Variants in SH2D3A observed in about 807,000 individuals in gnomAD.
The protein encoded by SH2D3A is SH2 domain containing 3A, also known as SH2 domain-containing protein 3A.
Under a neutral mutation model 50.6 loss-of-function variants are expected in SH2D3A, and 46 were observed. The observed-to-expected ratio is 0.91, with a 90% CI of 0.72 to 1.16. The LOEUF is 1.16. SH2D3A is among the 50% of genes most tolerant of loss of function. The pLI, the probability that SH2D3A is intolerant of heterozygous loss-of-function variation, is 0.00. For missense variants in SH2D3A, 783 were observed against 786.2 expected (o/e 1.00, Z 0.05); for synonymous variants, 377 against 348.4 (o/e 1.08, Z -0.91).
In SH2D3A at chr19:6,754,691, T is replaced by C. The variant is rs1191382706; in HGVS notation, c.1022A>G (p.Asn341Ser). 1 of 1,614,082 alleles carries C rather than the reference T, an allele frequency of 6.2e-7. No homozygotes were observed. Among genetic ancestry groups the C allele is most frequent in the African/African-American group, 1.3e-5 (1 of 74,932 alleles). ...CTCCAGGCCAGATGAGACTCCCATG[T>C]TGCCCCGCTGATCTCTGGTCACTCC... ...LLGVTRDQRGNMGVSSGLELL... is the reference protein window; with the variant it reads ...LLGVTRDQRGSMGVSSGLELL... The change falls in exon 6 of 10, where the codon AAC becomes AGC. Residue 341 changes from asparagine (N) to serine (S), a missense_variant. Physicochemically the swap from Asn to Ser is conservative, Grantham distance 46. Transcript: ENST00000245908.
chr19:6,755,067 T>G lies in SH2D3A; in HGVS notation c.745A>C (p.Ser249Arg). ...CATGGGGCCTCTGGCTCTGGGCAGCTTTGGCTCGGGGATGTTCCCTGGACA... is the reference window on the plus strand; with the variant it reads ...CATGGGGCCTCTGGCTCTGGGCAGCGTTGGCTCGGGGATGTTCCCTGGACA... Reference protein sequence around the residue: ...PSVQGTSPSQSCPEPEAPWWE... With the variant: ...PSVQGTSPSQRCPEPEAPWWE... The change falls in exon 5 of 10, where the codon AGC becomes CGC. Residue 249 changes from serine to arginine, a missense_variant. Physicochemically the swap from Ser to Arg is moderately radical, Grantham distance 110 (BLOSUM62 -1). Transcript: ENST00000245908. 3 of 1,613,910 alleles carry G rather than the reference T, an allele frequency of 1.9e-6. No homozygotes were observed. Among genetic ancestry groups the G allele is most frequent in the Non-Finnish European group, 2.5e-6 (3 of 1,179,968 alleles).
chr19:6,753,213 G>C, intron 9 of SH2D3A: 2 of 985,390 alleles, frequency 2.0e-6, no homozygotes, highest in Non-Finnish European at 2.4e-6. Flanking sequence ...GGGGACCCGC[G>C]GAGGTGGCTC....
intron 4 of SH2D3A, among the ~76,000 whole-genome samples, chr19:6,757,098 C>G (rs976206174): frequency 6.6e-6 from 1 of 151,956 alleles, no homozygotes; most frequent in Non-Finnish European, 1.5e-5. Flanking sequence ...ATCTCTTGAC[C>G]TCGTGATCCG....
chr19:6,754,290 G>C lies in SH2D3A; in HGVS notation c.1233C>G (p.Pro411=), dbSNP rs751952175. 2.5e-6 allele frequency: 4 copies of C among 1,584,686 alleles called. No individual in the cohort carries two copies. The highest frequency in any genetic ancestry group is 1.3e-5 in the African/African-American group (1 of 74,638). ...GGGCGCCCATGACTGCAGCCAGCCC[G>C]GGCAGGTCCCCCGCCGCCCCTGGCC... ...ALRPGAAGDL[P]GLAAVMGALL... is the part of the protein sequence containing the mutation. Residue 411 remains proline, a synonymous_variant, in exon 7 of 10, where the codon CCC becomes CCG. Transcript: ENST00000245908.
chr19:6,765,971 G>A (rs1288356123), intron 1 of SH2D3A, among the ~76,000 whole-genome samples: 2 of 152,106 alleles, frequency 1.3e-5, no homozygotes, highest in African/African-American at 4.8e-5. Flanking sequence ...TGTCTGGTGG[G>A]GGAGATTTCT....
At chr19:6,753,924 G>C (rs1969484491) in intron 8 of SH2D3A, 128 bp downstream of exon 8, 1 of 1,198,166 alleles carries the variant, frequency 8.3e-7, no homozygotes, top group East Asian at 2.6e-5. Context: ...CCCTCATGTG[G>C]AGGGCGGGGC....
chr19:6,760,204 G>T (rs549579519), intron 3 of SH2D3A, among the ~76,000 whole-genome samples: 426 of 151,992 alleles, frequency 2.8e-3, no homozygotes, highest in African/African-American at 1.0e-2. Context: ...GTGAAACCCC[G>T]TCTCTACTAA....
intron 2 of SH2D3A, among the ~76,000 whole-genome samples, chr19:6,762,131 G>T (rs905510529): frequency 6.6e-6 from 1 of 152,032 alleles, no homozygotes. Flanking sequence ...AATGTAAAGG[G>T]TGTTAACTCT....
Position 6,752,646 on chromosome 19 carries a change from TCTC to T in SH2D3A, c.1675_1677del (p.Glu559del), listed in dbSNP as rs1969380854. 6.4e-7 allele frequency: 1 copy of T among 1,558,992 alleles called. No homozygotes were observed. The highest frequency in any genetic ancestry group is 1.4e-5 in the African/African-American group (1 of 73,574). On this transcript the variant is annotated inframe_deletion, in exon 10 of 10. Transcript: ENST00000245908. ...AGGACGCCGAGGACGCGCTGGAACT[TCTC>T]AAAGCGTTCAGCGCGCGGAGCTCCC...
chr19:6,764,788 C>G (rs560317033), intron 1 of SH2D3A, among the ~76,000 whole-genome samples: 48 of 151,830 alleles, frequency 3.2e-4, no homozygotes, highest in African/African-American at 8.2e-4. Flanking sequence ...TCATTGCGGC[C>G]TTGACCTCCT....
At position 6,754,997 on chromosome 19, in the gene SH2D3A, G is replaced by A. The variant is rs1969569907; in HGVS notation, c.815C>T (p.Thr272Ile). 20 of 1,613,928 alleles carry A rather than the reference G, an allele frequency of 1.2e-5. No individual in the cohort carries two copies. Among genetic ancestry groups the A allele is most frequent in the Admixed American group, 1.7e-5 (1 of 60,014 alleles). ...EDEEEENRCF[T>I]RPQAEISFCP... is the part of the protein sequence containing the mutation. ...GAAAGAGATCTCAGCCTGTGGTCTT[G>A]TAAAACATCTATTCTCTTCCTCCTC... The change falls in exon 5 of 10, where the codon ACA (threonine) becomes ATA (isoleucine). Residue 272 changes from threonine to isoleucine, a missense_variant. By Grantham distance (89) the Thr-to-Ile change is moderately conservative. Coordinates refer to ENST00000245908, the MANE Select transcript of SH2D3A (RefSeq NM_005490.3).
rs1969351566 is a variant in SH2D3A at position 6,752,166 on chromosome 19, A to G, written c.*427T>C. 1 of 156,544 alleles carries G rather than the reference A, an allele frequency of 6.4e-6. No homozygotes were observed. Among genetic ancestry groups the G allele is most frequent in the Admixed American group, 6.5e-5 (1 of 15,374 alleles). 9.7% of individuals were successfully genotyped at this position (156,544 alleles called of 1,614,324 possible). On this transcript the variant is annotated 3_prime_UTR_variant, in exon 10 of 10. Transcript: ENST00000245908. ...GAAAGTACACAGCCTCAACTTTTACATTTTTTAAAAGTTTTTTATTTTTCA... is the reference window on the plus strand; with the variant it reads ...GAAAGTACACAGCCTCAACTTTTACGTTTTTTAAAAGTTTTTTATTTTTCA...
At position 6,752,413 on chromosome 19, in the gene SH2D3A, G is replaced by C. The variant is rs1969366354; in HGVS notation, c.*180C>G. 1 of 469,488 alleles carries C rather than the reference G, an allele frequency of 2.1e-6. No homozygotes were observed. Among genetic ancestry groups the C allele is most frequent in the Non-Finnish European group, 3.6e-6 (1 of 280,780 alleles). 29.1% of individuals were successfully genotyped at this position (469,488 alleles called of 1,614,324 possible). On this transcript the variant is annotated 3_prime_UTR_variant, in exon 10 of 10. Coordinates refer to ENST00000245908, the MANE Select transcript of SH2D3A (RefSeq NM_005490.3). ...ATTTGAACTCTGGCCTCTGATGCCA[G>C]ATCTGCAGGTCACATGTTCACCATG...
intron 1 of SH2D3A, among the ~76,000 whole-genome samples, chr19:6,766,361 G>A (rs539815612): frequency 7.1e-6 from 1 of 140,040 alleles, no homozygotes; most frequent in Middle Eastern, 3.7e-3. Flanking sequence ...TCAGCCAAAG[G>A]CCAACTAAGC....
rs146711285 is a variant in SH2D3A at position 6,754,157 on chromosome 19, G to C, written c.1279C>G (p.Arg427Gly). The part of the protein sequence containing the change: ...MGALLMPQVS[R>G]LEHTWRQLRR... ...AGCTGGCGCCACGTGTGCTCCAACC[G>C]GGACACCTGGGAGAAGAGATCTGAG... The change falls in exon 8 of 10, where the codon CGG (arginine) becomes GGG (glycine). Residue 427 changes from arginine (R) to glycine (G), a missense_variant. Arg to Gly is a moderately radical substitution (Grantham distance 125, BLOSUM62 -2). Coordinates refer to ENST00000245908, the MANE Select transcript of SH2D3A (RefSeq NM_005490.3). The C allele has an allele frequency of 1.3e-3, 2,082 of 1,612,680 alleles. 2 individuals are homozygous for C. The highest frequency in any genetic ancestry group is 1.5e-3 in the Non-Finnish European group (1,724 of 1,179,508).
intron 2 of SH2D3A, among the ~76,000 whole-genome samples, chr19:6,761,340 C>T (rs756546926): frequency 6.6e-6 from 1 of 152,136 alleles, no homozygotes; most frequent in Non-Finnish European, 1.5e-5. Flanking sequence ...CCCCAAAGCC[C>T]AGAGGGATGA....
Position 6,754,360 on chromosome 19 carries a change from C to T in SH2D3A, c.1163G>A (p.Arg388His). The stretch of plus-strand genomic sequence containing the variant: ...TACCAGTCCCCTCAGTGCGGCTGCG[C>T]GCTCCTCCAGCGGCCCCGAGCAGCC... ...VLGCSGPLEERAAALRGLVEL... is the reference protein window; with the variant it reads ...VLGCSGPLEEHAAALRGLVEL... The change falls in exon 7 of 10, where the codon CGC becomes CAC. Residue 388 changes from arginine to histidine, a missense_variant. Coordinates refer to ENST00000245908, the MANE Select transcript of SH2D3A (RefSeq NM_005490.3). 6.4e-7 allele frequency: 1 copy of T among 1,566,814 alleles called. No individual in the cohort carries two copies. The highest frequency in any genetic ancestry group is 8.6e-7 in the Non-Finnish European group (1 of 1,163,258).
At chr19:6,765,882 A>G (rs1970280319) in intron 1 of SH2D3A, among the ~76,000 whole-genome samples, 1 of 152,142 alleles carries the variant, frequency 6.6e-6, no homozygotes, top group African/African-American at 2.4e-5. Flanking sequence ...TGTGGTTATC[A>G]TGATGATTGA....
At position 6,753,570 on chromosome 19, in the gene SH2D3A, C is replaced by T; in HGVS notation, c.1456G>A (p.Val486Ile). The change falls in exon 9 of 10, where the codon GTC becomes ATC. Residue 486 changes from valine to isoleucine, a missense_variant. Coordinates refer to ENST00000245908, the MANE Select transcript of SH2D3A (RefSeq NM_005490.3). ...PMVRLLEGEE[V>I]AGPLDESCER... ...CAGCTCTCGTCCAGCGGCCCCGCGA[C>T]TTCCTCGCCCTCCAGTAGGCGAACC... The T allele has an allele frequency of 1.3e-6, 2 of 1,580,906 alleles. No individual in the cohort carries two copies. Among genetic ancestry groups the T allele is most frequent in the South Asian group, 2.3e-5 (2 of 86,736 alleles).
Sources: gnomAD v4.1 joint callset for allele counts (sites outside exome capture counted in the v4.1 genomes callset) on GRCh38, gnomAD v4.1.1 for gene constraint, MANE v1.5 for transcripts, NCBI Gene and HGNC (gene_info 2026-07-23, HGNC 2026-07-21) for gene names.